Variants in MKKS observed in about 807,000 individuals in gnomAD.
The protein encoded by MKKS is MKKS centrosomal shuttling protein, also known as molecular chaperone MKKS.
A neutral mutation model predicts 33.2 loss-of-function variants in MKKS; 29 were observed. That is an observed-to-expected ratio of 0.87 (90% CI 0.65 to 1.19). The LOEUF is 1.19. Ranked by LOEUF, MKKS falls within the 50% of genes most tolerant of loss-of-function variation. MKKS has a pLI of 0.00. For missense variants in MKKS, 661 were observed against 662.3 expected (o/e 1.00, Z 0.02); for synonymous variants, 260 against 244.0 (o/e 1.07, Z -0.61).
chr20:10,433,518 T>G (rs1484747538), intron 1 of MKKS, among the ~76,000 whole-genome samples: 1 of 152,056 alleles, frequency 6.6e-6, no homozygotes, highest in Non-Finnish European at 1.5e-5. Context: ...AATGAAACCG[T>G]CATATTGAGT....
chr20:10,410,582 T>C (rs1360979878), intron 3 of MKKS, among the ~76,000 whole-genome samples: 1 of 152,096 alleles, frequency 6.6e-6, no homozygotes, highest in Non-Finnish European at 1.5e-5. Flanking sequence ...GAGCCGAGAT[T>C]GCGCCACTGC....
intron 1 of MKKS, among the ~76,000 whole-genome samples, chr20:10,430,301 T>C (rs556107041): frequency 5.3e-5 from 8 of 152,230 alleles, no homozygotes; most frequent in Non-Finnish European, 1.0e-4. Context: ...ACTTTACAAC[T>C]GGCTGTGTGG....
intron 1 of MKKS, among the ~76,000 whole-genome samples, chr20:10,427,891 T>G (rs1303355515): frequency 2.0e-5 from 3 of 152,304 alleles, no homozygotes; most frequent in Admixed American, 1.3e-4. Context: ...CCATTCAAGG[T>G]CAGCTTGACC....
chr20:10,408,831 G>A, intron 3 of MKKS, 28 bp from the exon 4 acceptor site: 3 of 1,569,898 alleles, frequency 1.9e-6, no homozygotes, highest in Non-Finnish European at 2.6e-6. Context: ...GAAAATACAA[G>A]TTGTATAAGC....
In MKKS at chr20:10,413,007, C is replaced by A. The variant is rs762853047; in HGVS notation, c.508G>T (p.Glu170Ter). 6.2e-7 allele frequency: 1 copy of A among 1,614,052 alleles called. No individual in the cohort carries two copies. Reference sequence around the variant, plus strand: ...ATCAAAGCACTGACATGCTCTGTTTCCTTTCTGGTGAGCATACAGGCAGGT... The same window carrying A: ...ATCAAAGCACTGACATGCTCTGTTTACTTTCTGGTGAGCATACAGGCAGGT... Reference protein sequence around the residue: ...SKPACMLTRKETEHVSALILR... With the variant: ...SKPACMLTRK Residue 170 changes from glutamate to a stop codon, truncating the protein, a stop_gained, in exon 3 of 6, where the codon GAA becomes TAA. Transcript: ENST00000347364. LOFTEE classifies it high-confidence loss of function.
intron 4 of MKKS, among the ~76,000 whole-genome samples, 172 bp from the exon 5 acceptor site, chr20:10,407,898 G>C (rs1449589194): frequency 6.6e-6 from 1 of 152,136 alleles, no homozygotes; most frequent in Non-Finnish European, 1.5e-5. Flanking sequence ...GAATAGTAAG[G>C]TTTAGAGATT....
chr20:10,421,779 T>A (rs933042810), intron 1 of MKKS, among the ~76,000 whole-genome samples: 2 of 150,764 alleles, frequency 1.3e-5, no homozygotes, highest in Admixed American at 6.6e-5. Flanking sequence ...GCTTTTAAAA[T>A]ATATATATAT....
chr20:10,428,330 T>C (rs755033832), intron 1 of MKKS, among the ~76,000 whole-genome samples: 1 of 152,240 alleles, frequency 6.6e-6, no homozygotes, highest in Non-Finnish European at 1.5e-5. Flanking sequence ...GATACCTAGA[T>C]GAATGGGCCT....
In MKKS at chr20:10,404,788, G is replaced by A. The variant is rs920814816; in HGVS notation, c.*459C>T. The A allele has an allele frequency of 1.3e-5, 2 of 152,922 alleles. No individual in the cohort carries two copies. Among genetic ancestry groups the A allele is most frequent in the African/African-American group, 4.8e-5 (2 of 41,444 alleles). 9.5% of individuals were successfully genotyped at this position (152,922 alleles called of 1,614,324 possible). Reference sequence around the variant, plus strand: ...AAAGTGAAATTTTACTAAATGTGCAGTTTGAATACTTCTTTTGATTGAGCA... The same window carrying A: ...AAAGTGAAATTTTACTAAATGTGCAATTTGAATACTTCTTTTGATTGAGCA... On this transcript the variant is annotated 3_prime_UTR_variant, in exon 6 of 6. Transcript: ENST00000347364.
At position 10,413,298 on chromosome 20, in the gene MKKS, T is replaced by C. The variant is rs1409023963; in HGVS notation, c.217A>G (p.Ile73Val). The C allele has an allele frequency of 1.8e-5, 29 of 1,614,208 alleles. No individual in the cohort carries two copies. The highest frequency in any genetic ancestry group is 2.3e-5 in the Non-Finnish European group (27 of 1,180,040). ...ATGGAGGCTGTCAGGATCTTTAAAA[T>C]GGGATGTGTGACCAAAAGGTGACTG... is the stretch of plus-strand genomic sequence containing the variant. ...LLSHLLVTHP[I>V]LKILTASIQN... The change falls in exon 3 of 6, where the codon ATT (isoleucine) becomes GTT (valine). Residue 73 changes from isoleucine (I) to valine (V), a missense_variant. By Grantham distance (29) the Ile-to-Val change is conservative (BLOSUM62 3). Coordinates refer to ENST00000347364, the MANE Select transcript of MKKS (RefSeq NM_170784.3).
chr20:10,425,633 C>T (rs1425938428), intron 1 of MKKS, among the ~76,000 whole-genome samples: 2 of 152,332 alleles, frequency 1.3e-5, no homozygotes, highest in East Asian at 3.9e-4. Context: ...TTCCAAGAGG[C>T]ATGGACTGTC....
At chr20:10,410,885 G>A (rs2064879819) in intron 3 of MKKS, among the ~76,000 whole-genome samples, 1 of 151,960 alleles carries the variant, frequency 6.6e-6, no homozygotes, top group Non-Finnish European at 1.5e-5. Context: ...CTGCTCCCAA[G>A]ATCCAGGACT....
In MKKS at chr20:10,413,216, C is replaced by T. The variant is rs1352369487; in HGVS notation, c.299G>A (p.Cys100Tyr). Reference sequence around the variant, plus strand: ...TCTCTGAACATTTTCAATCAGGTTGCAGCAAAGAATAGCTGTGAATAAGCC... The same window carrying T: ...TCTCTGAACATTTTCAATCAGGTTGTAGCAAAGAATAGCTGTGAATAAGCC... ...DCGLFTAILC[C>Y]NLIENVQRLG... Residue 100 changes from cysteine (C) to tyrosine (Y), a missense_variant, in exon 3 of 6, where the codon TGC (cysteine) becomes TAC (tyrosine). Physicochemically the swap from Cys to Tyr is radical, Grantham distance 194. Transcript: ENST00000347364. 6.2e-7 allele frequency: 1 copy of T among 1,614,156 alleles called. No individual in the cohort carries two copies. The highest frequency in any genetic ancestry group is 8.5e-7 in the Non-Finnish European group (1 of 1,180,024).
rs1292571942 is a variant in MKKS at position 10,402,038 on chromosome 20, TAA to T, written c.*3207_*3208del. ...TAAAATCCTAATGCCTTTTGATTAA[TAA>T]GATGATAATCCTGTTGGACTCCTAT... is the stretch of plus-strand genomic sequence containing the variant. On this transcript the variant is annotated 3_prime_UTR_variant, in exon 6 of 6. Coordinates refer to ENST00000347364, the MANE Select transcript of MKKS (RefSeq NM_170784.3). 1 of 152,228 alleles carries T rather than the reference TAA, an allele frequency of 6.6e-6. No homozygotes were observed. The highest frequency in any genetic ancestry group is 2.4e-5 in the African/African-American group (1 of 41,452). The allele number at this position is 152,228 out of a possible 1,614,324, so 9.4% of individuals were successfully genotyped here.
chr20:10,408,827 ACAAG>A (rs2064861085), intron 3 of MKKS, 24 bp from the exon 4 acceptor site: 1 of 1,587,514 alleles, frequency 6.3e-7, no homozygotes, highest in Non-Finnish European at 8.6e-7. Flanking sequence ...ATTAGAAAAT[ACAAG>A]TTGTATAAGC....
At chr20:10,421,689 C>T (rs755417979) in intron 1 of MKKS, among the ~76,000 whole-genome samples, 5 of 152,140 alleles carry the variant, frequency 3.3e-5, no homozygotes, top group Non-Finnish European at 7.4e-5. Context: ...CACTAGAAAA[C>T]CCTAACTTAC....
chr20:10,414,683 A>G (rs1264191618), intron 2 of MKKS, among the ~76,000 whole-genome samples: 2 of 152,190 alleles, frequency 1.3e-5, no homozygotes, highest in African/African-American at 4.8e-5. Flanking sequence ...ACAGAAGTGC[A>G]TTTATATCAA....
chr20:10,433,593 G>A (rs1175057104), intron 1 of MKKS, among the ~76,000 whole-genome samples: 2 of 152,212 alleles, frequency 1.3e-5, no homozygotes, highest in Non-Finnish European at 2.9e-5. Flanking sequence ...TGACCTTAGA[G>A]GGTCATCCCT....
At chr20:10,429,904 TG>T (rs1019608785) in intron 1 of MKKS, among the ~76,000 whole-genome samples, 3 of 152,146 alleles carry the variant, frequency 2.0e-5, no homozygotes, top group African/African-American at 7.2e-5. Flanking sequence ...AACTCTAGGG[TG>T]GGGTCCAGTA....
Sources: gnomAD v4.1 joint callset for allele counts (sites outside exome capture counted in the v4.1 genomes callset) on GRCh38, gnomAD v4.1.1 for gene constraint, MANE v1.5 for transcripts, NCBI Gene and HGNC (gene_info 2026-07-23, HGNC 2026-07-21) for gene names.